Variants in COG5 observed in about 807,000 individuals in gnomAD.
The protein encoded by COG5 is conserved oligomeric Golgi complex subunit 5.
In COG5, 86 loss-of-function variants were observed where a neutral mutation model predicts 110.4. The observed-to-expected ratio is 0.78, with a 90% CI of 0.65 to 0.93. COG5 has a LOEUF of 0.93. COG5 is among the 40% of genes least tolerant of loss of function. The probability of loss-of-function intolerance (pLI) is 0.00; values close to 1 mark genes in which losing one functional copy is unlikely to be tolerated. For synonymous variants in COG5, 360 were observed against 334.6 expected (o/e 1.08, Z -0.83); for missense variants, 1,077 against 987.0 (o/e 1.09, Z -1.22).
Position 107,222,041 on chromosome 7 carries a change from A to G in COG5, c.2168+8574T>C, listed in dbSNP as rs182322094. Among the ~76,000 whole-genome samples the G allele has an allele frequency of 5.3e-5, 8 of 152,318 alleles. No homozygotes were observed. The East Asian group carries it at 1.4e-3, about 26-fold the overall frequency. Reference sequence around the variant, plus strand: ...CAGAAGGGGAAGGACAAGGACGGAGACAGACGAGGAGAGGGAAACAACCTG... The same window carrying G: ...CAGAAGGGGAAGGACAAGGACGGAGGCAGACGAGGAGAGGGAAACAACCTG... On this transcript the variant is annotated intron_variant, in intron 19 of 21. Coordinates refer to ENST00000297135, the MANE Select transcript of COG5 (RefSeq NM_006348.5).
chr7:107,521,038 T>C lies in COG5; in HGVS notation c.538+6199A>G, dbSNP rs938372040. Among the ~76,000 whole-genome samples the C allele has an allele frequency of 2.6e-5, 4 of 152,174 alleles. No individual in the cohort carries two copies. The South Asian group carries it at 6.2e-4, about 24-fold the overall frequency. ...CAACAAATTGGACAACAACAAGCAA[T>C]GGGGAAAAGATTCCCTATTTAATAA... On this transcript the variant is annotated intron_variant, in intron 6 of 21. Coordinates refer to ENST00000297135, the MANE Select transcript of COG5 (RefSeq NM_006348.5).
At chr7:107,385,297 C>T (rs933308058) in intron 7 of COG5, among the ~76,000 whole-genome samples, 2 of 152,190 alleles carry the variant, frequency 1.3e-5, no homozygotes, top group Admixed American at 6.5e-5. Flanking sequence ...TCCCAGCTTC[C>T]AGAACTGTGA....
intron 8 of COG5, 96 bp from the exon 9 acceptor site, chr7:107,362,516 A>G (rs1813216009): frequency 1.3e-6 from 1 of 760,852 alleles, no homozygotes; most frequent in South Asian, 1.7e-5. Flanking sequence ...AAGCTAAAAA[A>G]TGAGAAGTTC....
chr7:107,542,429 T>C lies in COG5; in HGVS notation c.417+5682A>G, dbSNP rs150579973. ...GGAACTCTCATATACTGATAGCATA[T>C]GTGGTATAACCATTTGGTAAAATAG... On this transcript the variant is annotated intron_variant, in intron 5 of 21. Transcript: ENST00000297135. 1.1e-4 allele frequency among the ~76,000 whole-genome samples: 17 copies of C among 152,302 alleles called. No homozygotes were observed. In the East Asian group the frequency reaches 3.3e-3, roughly 29 times the overall value.
intron 8 of COG5, among the ~76,000 whole-genome samples, chr7:107,364,225 CAT>C (rs1163547193): frequency 6.6e-6 from 1 of 152,138 alleles, no homozygotes; most frequent in Non-Finnish European, 1.5e-5. Context: ...GAAAATATCA[CAT>C]GAATCCAGAC....
rs1018947 is a variant in COG5, at chr7:107,211,494, A to T, written c.2169-269T>A. Reference sequence around the variant, plus strand: ...TCTGACATCCACCGGACTCAGCAAAAGCTCCTTATAAAGTTCATCTAATTA... The same window carrying T: ...TCTGACATCCACCGGACTCAGCAAATGCTCCTTATAAAGTTCATCTAATTA... On this transcript the variant is annotated intron_variant, in intron 19 of 21. Transcript: ENST00000297135. Among the ~76,000 whole-genome samples, 25,321 of 152,156 alleles carry T rather than the reference A, an allele frequency of 0.17. 2,417 individuals are homozygous for T. Among genetic ancestry groups the T allele is most frequent in the Non-Finnish European group, 0.22 (14,709 of 67,982 alleles).
chr7:107,505,195 G>A (rs1798905155), intron 6 of COG5, among the ~76,000 whole-genome samples: 1 of 152,126 alleles, frequency 6.6e-6, no homozygotes, highest in Non-Finnish European at 1.5e-5. Flanking sequence ...TTAGGCTTCA[G>A]GCCAATACAG....
rs1415240645 is a variant in COG5, at chr7:107,271,817, CTTAAGGTAATAGATCCTTGAT to C, written c.1575+9462_1575+9482del. Among the ~76,000 whole-genome samples, 3 of 151,080 alleles carry C rather than the reference CTTAAGGTAATAGATCCTTGAT, an allele frequency of 2.0e-5. No homozygotes were observed. The East Asian group carries it at 5.8e-4, about 29-fold the overall frequency. ...CCCTTTTTTTTCCTCTTTTTAGTTT[CTTAAGGTAATAGATCCTTGAT>C]TGAGATCTTTTTTCCTTCCCAATAA... On this transcript the variant is annotated intron_variant, in intron 14 of 21. Coordinates refer to ENST00000297135, the MANE Select transcript of COG5 (RefSeq NM_006348.5).
chr7:107,506,624 G>C (rs941013035), intron 6 of COG5, among the ~76,000 whole-genome samples: 1 of 152,060 alleles, frequency 6.6e-6, no homozygotes, highest in African/African-American at 2.4e-5. Flanking sequence ...TACTTCGCAA[G>C]GCAGATCTCA....
In COG5 at chr7:107,495,904, A is replaced by G. The variant is rs534899777; in HGVS notation, c.538+31333T>C. ...TGACTTCACAGGTGAGTTTGGCCAA[A>G]TACTTTATTTCATTTATTTTTTATT... On this transcript the variant is annotated intron_variant, in intron 6 of 21. Coordinates refer to ENST00000297135, the MANE Select transcript of COG5 (RefSeq NM_006348.5). Among the ~76,000 whole-genome samples, 22 of 137,592 alleles carry G rather than the reference A, an allele frequency of 1.6e-4. No individual in the cohort carries two copies. The East Asian group carries it at 4.5e-3, about 28-fold the overall frequency. The allele number at this position is 137,592 out of a possible 152,430, so 90.3% of individuals were successfully genotyped here.
intron 17 of COG5, among the ~76,000 whole-genome samples, chr7:107,239,410 G>A (rs1278127857): frequency 6.6e-6 from 1 of 152,060 alleles, no homozygotes; most frequent in African/African-American, 2.4e-5. Context: ...CTTTATTTTT[G>A]CTCAAGATTG....
chr7:107,312,066 T>C (rs1209255187), intron 11 of COG5, among the ~76,000 whole-genome samples: 10 of 151,074 alleles, frequency 6.6e-5, no homozygotes, highest in Admixed American at 6.6e-4. Context: ...CATCCTATAA[T>C]AATCACCACT....
intron 7 of COG5, among the ~76,000 whole-genome samples, chr7:107,409,224 G>A (rs1256829658): frequency 1.7e-4 from 17 of 99,970 alleles, no homozygotes; most frequent in Non-Finnish European, 1.3e-4. Context: ...AAAAAGCAAC[G>A]TCAAGGAAAA....
intron 5 of COG5, among the ~76,000 whole-genome samples, chr7:107,544,115 T>C (rs1424931094): frequency 6.6e-6 from 1 of 152,030 alleles, no homozygotes; most frequent in Non-Finnish European, 1.5e-5. Context: ...TCCAGGCTTA[T>C]TTCAGCAGAC....
chr7:107,340,013 T>A, intron 10 of COG5, among the ~76,000 whole-genome samples: 1 of 146,396 alleles, frequency 6.8e-6, no homozygotes, highest in African/African-American at 2.5e-5. Flanking sequence ...AGAAAAGAAA[T>A]AACTAAAATC....
intron 14 of COG5, among the ~76,000 whole-genome samples, chr7:107,266,709 G>A (rs191166859): frequency 2.6e-5 from 4 of 151,986 alleles, no homozygotes; most frequent in Admixed American, 2.6e-4. Context: ...GGTCTAACTT[G>A]CTTTGAAGTG....
Position 107,362,033 on chromosome 7 carries a change from C to T in COG5, c.1026G>A (p.Lys342=). Residue 342 remains lysine, a splice_region_variant and synonymous_variant, in exon 10 of 22, where the codon AAG becomes AAA. Coordinates refer to ENST00000297135, the MANE Select transcript of COG5 (RefSeq NM_006348.5). ...TAAAAATATTTTCCTTTAAACATAC[C>T]TTAACTATTTCTTCAATGAAACAAA... The part of the protein sequence containing the change: ...SHICFIEEIV[K]DGQPEIFYTF... 6.3e-7 allele frequency: 1 copy of T among 1,587,798 alleles called. No individual in the cohort carries two copies. The highest frequency in any genetic ancestry group is 8.6e-7 in the Non-Finnish European group (1 of 1,158,268).
chr7:107,308,754 G>T (rs56861253), intron 11 of COG5, among the ~76,000 whole-genome samples: 1 of 152,050 alleles, frequency 6.6e-6, no homozygotes. Context: ...AATAAAAAAA[G>T]TATTTCTTTA....
intron 6 of COG5, among the ~76,000 whole-genome samples, chr7:107,493,697 T>C (rs1222331982): frequency 6.6e-6 from 1 of 152,154 alleles, no homozygotes; most frequent in Non-Finnish European, 1.5e-5. Flanking sequence ...GTTCTTGTCA[T>C]AGAAACAAGA....
Sources: gnomAD v4.1 joint callset for allele counts (sites outside exome capture counted in the v4.1 genomes callset) on GRCh38, gnomAD v4.1.1 for gene constraint, MANE v1.5 for transcripts, NCBI Gene and HGNC (gene_info 2026-07-23, HGNC 2026-07-21) for gene names.